MAGI1: variants seen among roughly 807,000 people sequenced by gnomAD.
MAGI1 encodes membrane-associated guanylate kinase, WW and PDZ domain-containing protein 1.
A neutral mutation model predicts 139.9 loss-of-function variants in MAGI1; 58 were observed. That is an observed-to-expected ratio of 0.41 (90% CI 0.34 to 0.52). The LOEUF is 0.52. Among genes scored for constraint, MAGI1 ranks in the 20% least tolerant of loss-of-function variants. MAGI1 has a pLI of 0.12. For synonymous variants in MAGI1, 812 were observed against 737.9 expected (o/e 1.10, Z -1.63); for missense variants, 1,874 against 1,901.6 (o/e 0.99, Z 0.27).
intron 2 of MAGI1, among the ~76,000 whole-genome samples, chr3:65,524,245 T>C (rs988394885): frequency 2.6e-5 from 4 of 152,136 alleles, no homozygotes; most frequent in African/African-American, 9.7e-5. Context: ...CAGTGGAAAA[T>C]ATCTGATGCA....
At chr3:65,712,535 C>G (rs754150052) in intron 1 of MAGI1, among the ~76,000 whole-genome samples, 1 of 151,070 alleles carries the variant, frequency 6.6e-6, no homozygotes, top group South Asian at 2.1e-4. Flanking sequence ...GTTGTTGAGA[C>G]AGAGTTTCAC....
chr3:66,018,475 T>C (rs143929426), intron 1 of MAGI1, among the ~76,000 whole-genome samples: 95 of 152,192 alleles, frequency 6.2e-4, no homozygotes, highest in African/African-American at 2.1e-3. Flanking sequence ...TTTTTTTTAA[T>C]AGATGCAGAA....
intron 1 of MAGI1, among the ~76,000 whole-genome samples, chr3:65,852,364 TTAC>T (rs1482861562): frequency 6.6e-6 from 1 of 152,128 alleles, no homozygotes; most frequent in Non-Finnish European, 1.5e-5. Flanking sequence ...ATCTTGCTTG[TTAC>T]TATTGCTCTC....
intron 1 of MAGI1, among the ~76,000 whole-genome samples, chr3:65,991,379 C>T (rs1039906814): frequency 6.6e-6 from 1 of 151,478 alleles, no homozygotes; most frequent in Non-Finnish European, 1.5e-5. Flanking sequence ...AGCTGGTTTC[C>T]AAGTGACTTA....
At chr3:65,743,270 T>C (rs1425506978) in intron 1 of MAGI1, among the ~76,000 whole-genome samples, 2 of 152,356 alleles carry the variant, frequency 1.3e-5, no homozygotes, top group East Asian at 3.9e-4. Context: ...ACCAAGCTTT[T>C]ACTATGTGCC....
At chr3:65,712,873 T>C (rs2031675491) in intron 1 of MAGI1, among the ~76,000 whole-genome samples, 1 of 152,182 alleles carries the variant, frequency 6.6e-6, no homozygotes, top group Admixed American at 6.5e-5. Flanking sequence ...AAACACTTTC[T>C]AGGAATTTTC....
chr3:65,782,011 T>C (rs1055460574), intron 1 of MAGI1, among the ~76,000 whole-genome samples: 1 of 152,232 alleles, frequency 6.6e-6, no homozygotes, highest in Non-Finnish European at 1.5e-5. Context: ...GGGGATGGCA[T>C]GCATTTCATG....
At position 65,776,254 on chromosome 3, in the gene MAGI1, T is replaced by G. The variant is rs1027542508; in HGVS notation, c.314-154166A>C. Among the ~76,000 whole-genome samples, 6 of 151,238 alleles carry G rather than the reference T, an allele frequency of 4.0e-5. No homozygotes were observed. In the East Asian group the frequency reaches 5.8e-4, roughly 15 times the overall value. ...TGGCATATAGTTGGGTTTCTTTTTT[T>G]TTTTTTTTATGGCTTCTGAATGTTT... On this transcript the variant is annotated intron_variant, in intron 1 of 22. Coordinates refer to ENST00000402939, the MANE Select transcript of MAGI1 (RefSeq NM_001033057.2).
rs181355265 is a variant in MAGI1 at position 65,476,276 on chromosome 3, G to A, written c.757+2316C>T. ...ATACATTGTGAAGAGGTCCCATCAC[G>A]TGCATATCTCAAGGCCACTTTTTCC... On this transcript the variant is annotated intron_variant, in intron 4 of 22. Coordinates refer to ENST00000402939, the MANE Select transcript of MAGI1 (RefSeq NM_001033057.2). Among the ~76,000 whole-genome samples, 133 of 152,286 alleles carry A rather than the reference G, an allele frequency of 8.7e-4. 1 individual carries two copies. The highest frequency in any genetic ancestry group is 3.1e-3 in the African/African-American group (128 of 41,574).
intron 10 of MAGI1, among the ~76,000 whole-genome samples, chr3:65,432,864 C>T (rs1201432894): frequency 6.6e-6 from 1 of 152,160 alleles, no homozygotes; most frequent in Non-Finnish European, 1.5e-5. Flanking sequence ...TATGCAGAGA[C>T]ATCAACAGCC....
chr3:65,447,987 G>T, intron 7 of MAGI1, 35 bp downstream of exon 7: 1 of 1,612,550 alleles, frequency 6.2e-7, no homozygotes, highest in Non-Finnish European at 8.5e-7. Context: ...TGTCATGCAC[G>T]TGTCATGCAG....
intron 1 of MAGI1, among the ~76,000 whole-genome samples, chr3:65,812,738 T>G (rs1471174604): frequency 7.0e-6 from 1 of 143,150 alleles, no homozygotes; most frequent in Admixed American, 7.1e-5. Flanking sequence ...GAGACAGAGT[T>G]TTGCTCTTGT....
At chr3:65,371,426 G>A (rs761987089) in intron 18 of MAGI1, among the ~76,000 whole-genome samples, 1 of 152,132 alleles carries the variant, frequency 6.6e-6, no homozygotes, top group Non-Finnish European at 1.5e-5. Context: ...ATACTTTATT[G>A]CTAAATAATG....
intron 1 of MAGI1, among the ~76,000 whole-genome samples, chr3:65,658,537 T>G (rs2086013730): frequency 6.6e-6 from 1 of 152,208 alleles, no homozygotes; most frequent in Non-Finnish European, 1.5e-5. Flanking sequence ...GAAATGTTAA[T>G]ACGCATCTCA....
At chr3:65,425,038 C>T (rs374723637) in intron 12 of MAGI1, among the ~76,000 whole-genome samples, 1 of 147,134 alleles carries the variant, frequency 6.8e-6, no homozygotes, top group Admixed American at 6.9e-5. Flanking sequence ...ATCATGCACT[C>T]CAGCCTGGGC....
chr3:65,991,709 G>C (rs2066183028), intron 1 of MAGI1, among the ~76,000 whole-genome samples: 1 of 152,056 alleles, frequency 6.6e-6, no homozygotes, highest in African/African-American at 2.4e-5. Flanking sequence ...TCACACGGTG[G>C]TATCAGTTTA....
At position 65,570,959 on chromosome 3, in the gene MAGI1, G is replaced by T. The variant is rs981300229; in HGVS notation, c.430+51013C>A. 3.9e-5 allele frequency among the ~76,000 whole-genome samples: 6 copies of T among 152,244 alleles called. No individual in the cohort carries two copies. In the East Asian group the frequency reaches 5.8e-4, roughly 15 times the overall value. ...CGAATAACACTCAATTTTGCCAATG[G>T]TATCTGTAGAAACGGAGGCTTACAT... On this transcript the variant is annotated intron_variant, in intron 2 of 22. Transcript: ENST00000402939.
In MAGI1 at chr3:65,622,091, G is replaced by C. The variant is rs544019108; in HGVS notation, c.314-3C>G. On this transcript the variant is annotated splice_region_variant and splice_polypyrimidine_tract_variant and intron_variant, in intron 1 of 22. Coordinates refer to ENST00000402939, the MANE Select transcript of MAGI1 (RefSeq NM_001033057.2). Reference sequence around the variant, plus strand: ...CAGGTCCTTGTTCAGCCTTCCTCCTGCAGGAAATACATAAAATAGACATAC... The same window carrying C: ...CAGGTCCTTGTTCAGCCTTCCTCCTCCAGGAAATACATAAAATAGACATAC... 1 of 1,596,934 alleles carries C rather than the reference G, an allele frequency of 6.3e-7. No individual in the cohort carries two copies. The highest frequency in any genetic ancestry group is 1.3e-5 in the African/African-American group (1 of 74,660).
At chr3:65,402,011 A>G (rs1944938543) in intron 12 of MAGI1, 1 of 488,802 alleles carries the variant, frequency 2.0e-6, no homozygotes, top group South Asian at 8.8e-5. Flanking sequence ...TGAGCTCAAT[A>G]CCAAAACAAA....
Sources: gnomAD v4.1 joint callset for allele counts (sites outside exome capture counted in the v4.1 genomes callset) on GRCh38, gnomAD v4.1.1 for gene constraint, MANE v1.5 for transcripts, NCBI Gene and HGNC (gene_info 2026-07-23, HGNC 2026-07-21) for gene names.